The following IL1RAPL2 variants were observed in gnomAD, a reference collection of about 807,000 sequenced individuals.
The protein encoded by IL1RAPL2 is X-linked interleukin-1 receptor accessory protein-like 2.
Under a neutral mutation model 44.1 loss-of-function variants are expected in IL1RAPL2, and 3 were observed. That is an observed-to-expected ratio of 0.07 (90% CI 0.03 to 0.18). The LOEUF (loss-of-function observed/expected upper bound fraction) is 0.18, where lower values mean the gene tolerates loss of function less well. IL1RAPL2 is among the 10% of genes least tolerant of loss of function. IL1RAPL2 has a pLI of 1.00. For synonymous variants in IL1RAPL2, 181 were observed against 178.8 expected, an observed-to-expected ratio of 1.01 and a Z score of -0.10; for missense variants, 391 against 496.4, an observed-to-expected ratio of 0.79 and a Z score of 2.02.
intron 5 of IL1RAPL2, among the ~76,000 whole-genome samples, chrX:105,427,266 C>G (rs898343962): frequency 9.0e-6 from 1 of 111,583 alleles, no homozygotes; most frequent in African/African-American, 3.3e-5. Context: ...CAGCACAATA[C>G]TGTCTCCCAC....
At chrX:104,741,642 A>G (rs1373847872) in intron 2 of IL1RAPL2, among the ~76,000 whole-genome samples, 1 of 111,001 alleles carries the variant, frequency 9.0e-6, no homozygotes, top group Non-Finnish European at 1.9e-5. Context: ...TTTTGATGGT[A>G]ATAAACTTAA....
At chrX:104,818,970 A>ATTG (rs1469692860) in intron 2 of IL1RAPL2, among the ~76,000 whole-genome samples, 4 of 112,055 alleles carry the variant, frequency 3.6e-5, no homozygotes, top group Admixed American at 9.4e-5. Context: ...TGTCATGTTT[A>ATTG]TTGTTGTTGT....
chrX:105,078,814 C>T (rs2032355277), intron 2 of IL1RAPL2, among the ~76,000 whole-genome samples: 1 of 112,702 alleles, frequency 8.9e-6, no homozygotes, highest in Admixed American at 9.3e-5. Flanking sequence ...GCTCCATGGG[C>T]ATAGGACCCT....
intron 2 of IL1RAPL2, among the ~76,000 whole-genome samples, chrX:104,931,996 A>ATATTT (rs1455144657): frequency 2.1e-4 from 18 of 84,775 alleles, no homozygotes; most frequent in Non-Finnish European, 3.7e-4. Context: ...ATATATATAT[A>ATATTT]TTTTTTTTTT....
intron 2 of IL1RAPL2, among the ~76,000 whole-genome samples, chrX:104,667,560 G>A (rs1430027177): frequency 1.8e-5 from 2 of 111,517 alleles, no homozygotes; most frequent in Non-Finnish European, 3.8e-5. Flanking sequence ...TAAATAATTT[G>A]ACCACTCTCT....
Position 105,436,385 on chromosome X carries a change from A to G in IL1RAPL2, c.698-47928A>G, listed in dbSNP as rs752443125. On this transcript the variant is annotated intron_variant, in intron 5 of 10. Coordinates refer to ENST00000372582, the MANE Select transcript of IL1RAPL2 (RefSeq NM_017416.2). The stretch of plus-strand genomic sequence containing the variant: ...TAGAAATATATATCCAAAAATTGTA[A>G]TAAAATAATTATTACACATTAATCC... Among the ~76,000 whole-genome samples the G allele has an allele frequency of 4.5e-5, 5 of 111,726 alleles. No individual in the cohort carries two copies. In the South Asian group the frequency reaches 1.9e-3, roughly 42 times the overall value.
intron 2 of IL1RAPL2, among the ~76,000 whole-genome samples, chrX:104,882,478 G>A (rs1440607329): frequency 8.9e-6 from 1 of 111,754 alleles, no homozygotes; most frequent in African/African-American, 3.3e-5. Flanking sequence ...AAGCCGGCTG[G>A]GCTTCTGGGT....
chrX:104,859,461 G>C (rs2147646421), intron 2 of IL1RAPL2, among the ~76,000 whole-genome samples: 1 of 111,470 alleles, frequency 9.0e-6, no homozygotes, highest in African/African-American at 3.3e-5. Flanking sequence ...TAATGTCTCT[G>C]AGTCTCACAG....
chrX:104,891,950 T>C (rs999688621), intron 2 of IL1RAPL2, among the ~76,000 whole-genome samples: 60 of 111,635 alleles, frequency 5.4e-4, no homozygotes, highest in African/African-American at 1.9e-3. Context: ...ATAGCTCTTA[T>C]TATTTTGAGA....
chrX:105,109,133 C>T (rs1181481218), intron 2 of IL1RAPL2, among the ~76,000 whole-genome samples: 1 of 112,077 alleles, frequency 8.9e-6, no homozygotes, highest in Non-Finnish European at 1.9e-5. Flanking sequence ...TTTTGTGTTC[C>T]ATAGAAAGCT....
intron 2 of IL1RAPL2, among the ~76,000 whole-genome samples, chrX:104,880,596 C>G (rs1199949200): frequency 9.0e-6 from 1 of 111,710 alleles, no homozygotes; most frequent in Non-Finnish European, 1.9e-5. Flanking sequence ...AAGTTCATCA[C>G]TTAGAACCCT....
intron 6 of IL1RAPL2, among the ~76,000 whole-genome samples, chrX:105,674,015 T>C (rs1362508232): frequency 8.9e-6 from 1 of 111,890 alleles, no homozygotes; most frequent in East Asian, 2.8e-4. Flanking sequence ...TTAATGGGGT[T>C]GTTTGTTTTT....
At chrX:104,896,178 C>T (rs1454128445) in intron 2 of IL1RAPL2, among the ~76,000 whole-genome samples, 1 of 111,944 alleles carries the variant, frequency 8.9e-6, no homozygotes, top group Non-Finnish European at 1.9e-5. Context: ...TTTCTCGGTC[C>T]CATTGCAGCC....
intron 7 of IL1RAPL2, among the ~76,000 whole-genome samples, chrX:105,730,539 T>A (rs1404115807): frequency 9.0e-6 from 1 of 111,471 alleles, no homozygotes; most frequent in Non-Finnish European, 1.9e-5. Flanking sequence ...GCAGAATGTT[T>A]CATCCAGCAG....
At chrX:104,701,033 C>G (rs1038257458) in intron 2 of IL1RAPL2, among the ~76,000 whole-genome samples, 1 of 111,271 alleles carries the variant, frequency 9.0e-6, no homozygotes, top group Non-Finnish European at 1.9e-5. Context: ...ACATGAACCT[C>G]TTGGTAGGTT....
intron 5 of IL1RAPL2, among the ~76,000 whole-genome samples, chrX:105,395,457 A>G (rs1349205819): frequency 1.8e-5 from 2 of 110,725 alleles, no homozygotes; most frequent in African/African-American, 6.6e-5. Context: ...AATGAGGAAG[A>G]GATGATTTAT....
At chrX:104,881,297 T>C (rs1299806741) in intron 2 of IL1RAPL2, among the ~76,000 whole-genome samples, 2 of 111,868 alleles carry the variant, frequency 1.8e-5, no homozygotes, top group African/African-American at 6.5e-5. Flanking sequence ...ATTTCCCTTC[T>C]TACAAATATT....
At chrX:105,037,524 G>A (rs2031651369) in intron 2 of IL1RAPL2, among the ~76,000 whole-genome samples, 1 of 110,813 alleles carries the variant, frequency 9.0e-6, no homozygotes. Context: ...CAGTCAATAG[G>A]CCAGGCTTCA....
Position 105,767,381 on chromosome X carries a change from C to G in IL1RAPL2, c.1781C>G (p.Ala594Gly). 1 of 1,211,490 alleles carries G rather than the reference C, an allele frequency of 8.3e-7. No homozygotes were observed. Among genetic ancestry groups the G allele is most frequent in the Non-Finnish European group, 1.1e-6 (1 of 895,257 alleles). ...TCTATTGCCATGACCAGTACTTCAG[C>G]CACTCTGGTGTCATCTCAGGCTGAT... ...IPSIAMTSTS[A>G]TLVSSQADLP... The change falls in exon 11 of 11, where the codon GCC (alanine) becomes GGC (glycine). Residue 594 changes from alanine to glycine, a missense_variant. Physicochemically the swap from Ala to Gly is moderately conservative, Grantham distance 60. This residue lies in a region of IL1RAPL2 where 232 missense variants were observed against 244.8 expected (regional missense o/e 0.95). Transcript: ENST00000372582.
Sources: gnomAD v4.1 joint callset for allele counts (sites outside exome capture counted in the v4.1 genomes callset) on GRCh38, gnomAD v4.1.1 for gene constraint, gnomAD v4.1.1 regional missense constraint, MANE v1.5 for transcripts, NCBI Gene and HGNC (gene_info 2026-07-23, HGNC 2026-07-21) for gene names.